FHOD3: variants seen among roughly 807,000 people sequenced by gnomAD.
FHOD3 encodes the protein formin homology 2 domain containing 3.
A neutral mutation model predicts 173.0 loss-of-function variants in FHOD3; 90 were observed. The ratio of observed to expected loss-of-function variants is 0.52; its 90% confidence interval spans 0.44 to 0.62. The LOEUF is 0.62. Among genes scored for constraint, FHOD3 ranks in the 20% least tolerant of loss-of-function variants. The pLI, the probability that FHOD3 is intolerant of heterozygous loss-of-function variation, is 0.00. For missense variants in FHOD3, 1,945 were observed against 2,034.7 expected (o/e 0.96, Z 0.85); for synonymous variants, 828 against 823.0 (o/e 1.01, Z -0.10).
chr18:36,548,588 C>T (rs1046398814), intron 5 of FHOD3, among the ~76,000 whole-genome samples: 2 of 152,206 alleles, frequency 1.3e-5, no homozygotes, highest in African/African-American at 2.4e-5. Context: ...TCTTTTATCC[C>T]AATGCCACCC....
At chr18:36,647,434 T>C (rs1326455164) in intron 10 of FHOD3, among the ~76,000 whole-genome samples, 3 of 152,056 alleles carry the variant, frequency 2.0e-5, no homozygotes, top group African/African-American at 7.2e-5. Flanking sequence ...ATGGCTAAAA[T>C]GAAATAGACA....
chr18:36,773,926 T>C (rs1352371488), intron 28 of FHOD3, among the ~76,000 whole-genome samples: 1 of 152,166 alleles, frequency 6.6e-6, no homozygotes, highest in Admixed American at 6.5e-5. Flanking sequence ...TGAGATAACC[T>C]AGGCAGAGGG....
intron 2 of FHOD3, among the ~76,000 whole-genome samples, chr18:36,355,939 C>T (rs1055269267): frequency 3.3e-5 from 5 of 152,050 alleles, no homozygotes; most frequent in Admixed American, 1.3e-4. Context: ...ACAATTAAAT[C>T]GATATTTTCC....
chr18:36,729,077 C>T (rs2041220329), intron 19 of FHOD3, among the ~76,000 whole-genome samples: 1 of 152,234 alleles, frequency 6.6e-6, no homozygotes, highest in African/African-American at 2.4e-5. Context: ...CCCTTCCAGA[C>T]CCTGAGCCCC....
intron 6 of FHOD3, among the ~76,000 whole-genome samples, chr18:36,578,294 G>A (rs1312086668): frequency 2.0e-5 from 3 of 152,134 alleles, no homozygotes; most frequent in Non-Finnish European, 4.4e-5. Context: ...ATCTTACATG[G>A]TGGCAGGCAA....
intron 10 of FHOD3, among the ~76,000 whole-genome samples, chr18:36,635,914 A>T (rs980105711): frequency 6.6e-6 from 1 of 152,210 alleles, no homozygotes. Flanking sequence ...TTTCAAGTCA[A>T]TGAACCTTGA....
At chr18:36,347,438 T>G (rs1014423045) in intron 1 of FHOD3, among the ~76,000 whole-genome samples, 2 of 152,222 alleles carry the variant, frequency 1.3e-5, no homozygotes, top group Admixed American at 6.5e-5. Flanking sequence ...TGAGCTGGAC[T>G]CTTTTGTTGA....
chr18:36,719,276 A>G (rs1019097050), intron 19 of FHOD3, among the ~76,000 whole-genome samples: 1 of 152,202 alleles, frequency 6.6e-6, no homozygotes, highest in Non-Finnish European at 1.5e-5. Context: ...ACATGCCTCT[A>G]GATTTAGTAT....
chr18:36,494,973 C>T (rs1231733314), intron 3 of FHOD3, among the ~76,000 whole-genome samples: 43 of 152,116 alleles, frequency 2.8e-4, no homozygotes, highest in Admixed American at 2.5e-3. Context: ...CTGTCACCTC[C>T]GCTCTGTCGC....
intron 5 of FHOD3, among the ~76,000 whole-genome samples, chr18:36,570,002 G>A (rs936068187): frequency 3.0e-4 from 46 of 151,674 alleles, no homozygotes. Flanking sequence ...AGAAACTAGA[G>A]TAAGAAAAGT....
chr18:36,312,209 G>A (rs77664747), intron 1 of FHOD3, among the ~76,000 whole-genome samples: 2,550 of 152,222 alleles, frequency 0.017, 84 homozygotes, highest in African/African-American at 0.058. Context: ...AATGCTTGCC[G>A]TTCTGTTTGA....
intron 10 of FHOD3, 86 bp downstream of exon 10, chr18:36,625,835 C>G: frequency 8.4e-7 from 1 of 1,187,470 alleles, no homozygotes; most frequent in Non-Finnish European, 1.2e-6. Context: ...CCCCTCCCTG[C>G]TGGCCACTTT....
At chr18:36,450,205 T>A (rs560209960) in intron 3 of FHOD3, among the ~76,000 whole-genome samples, 1 of 152,314 alleles carries the variant, frequency 6.6e-6, no homozygotes, top group Middle Eastern at 3.4e-3. Flanking sequence ...TCACTTAGAA[T>A]ACTGAATTGT....
At chr18:36,533,264 A>C (rs1315551252) in intron 5 of FHOD3, among the ~76,000 whole-genome samples, 23 of 152,248 alleles carry the variant, frequency 1.5e-4, no homozygotes. Context: ...GTAGTGTTAA[A>C]TAGATGAGCA....
Position 36,340,430 on chromosome 18 carries a change from T to C in FHOD3, c.166-15109T>C, listed in dbSNP as rs559844085. Among the ~76,000 whole-genome samples, 180 of 152,184 alleles carry C rather than the reference T, an allele frequency of 1.2e-3. 2 individuals carry two copies. The highest frequency in any genetic ancestry group is 4.2e-3 in the African/African-American group (174 of 41,498). The stretch of plus-strand genomic sequence containing the variant: ...GAGCATACATATCTTGGCAAAGGTT[T>C]TTATTGTTTGAAGGTTGAGCAGCTG... On this transcript the variant is annotated intron_variant, in intron 1 of 28. Coordinates refer to ENST00000590592, the MANE Select transcript of FHOD3 (RefSeq NM_001281740.3).
At position 36,403,934 on chromosome 18, in the gene FHOD3, T is replaced by C. The variant is rs139324152; in HGVS notation, c.337+31190T>C. On this transcript the variant is annotated intron_variant, in intron 3 of 28. Transcript: ENST00000590592. ...GAGCTAAGGCAAGCCCCAGTGCCCT[T>C]GGGGTATCCATAGCTGGGGCCTTGC... Among the ~76,000 whole-genome samples the C allele has an allele frequency of 4.1e-3, 630 of 152,332 alleles. 10 individuals carry two copies. Among genetic ancestry groups the C allele is most frequent in the South Asian group, 0.022 (104 of 4,828 alleles).
chr18:36,729,487 C>T, intron 19 of FHOD3, among the ~76,000 whole-genome samples: 1 of 152,210 alleles, frequency 6.6e-6, no homozygotes, highest in East Asian at 1.9e-4. Flanking sequence ...GTGACCTAAA[C>T]AGCAGAAATT....
At position 36,324,968 on chromosome 18, in the gene FHOD3, A is replaced by G. The variant is rs75659186; in HGVS notation, c.165+26968A>G. On this transcript the variant is annotated intron_variant, in intron 1 of 28. Coordinates refer to ENST00000590592, the MANE Select transcript of FHOD3 (RefSeq NM_001281740.3). Reference sequence around the variant, plus strand: ...GAATTGATACTTATAGAATATTCATAGAATAGAATACTGTACAGCCCTGAA... The same window carrying G: ...GAATTGATACTTATAGAATATTCATGGAATAGAATACTGTACAGCCCTGAA... Among the ~76,000 whole-genome samples the G allele has an allele frequency of 8.0e-3, 1,225 of 152,360 alleles. 14 individuals carry two copies. The highest frequency in any genetic ancestry group is 0.028 in the African/African-American group (1,168 of 41,580).
chr18:36,322,220 A>G (rs2044433983), intron 1 of FHOD3, among the ~76,000 whole-genome samples: 2 of 152,198 alleles, frequency 1.3e-5, no homozygotes, highest in African/African-American at 4.8e-5. Flanking sequence ...GTGAGGAGGA[A>G]TGGCAGAGCT....
Sources: allele counts gnomAD v4.1 joint callset (sites outside exome capture counted in the v4.1 genomes callset), GRCh38; gene constraint gnomAD v4.1.1; transcripts MANE v1.5; gene names NCBI Gene and HGNC (gene_info 2026-07-23, HGNC 2026-07-21).